Variants in CCBE1 observed in about 807,000 individuals in gnomAD.
CCBE1 encodes the protein collagen and calcium binding EGF domains 1.
Under a neutral mutation model 50.0 loss-of-function variants are expected in CCBE1, and 37 were observed. That is an observed-to-expected ratio of 0.74 (90% CI 0.57 to 0.97). CCBE1 has a LOEUF of 0.97. CCBE1 is among the 50% of genes least tolerant of loss of function. The pLI, the probability that CCBE1 is intolerant of heterozygous loss-of-function variation, is 0.00. For synonymous variants in CCBE1, 234 were observed against 203.7 expected (o/e 1.15, Z -1.27); for missense variants, 538 against 523.8 (o/e 1.03, Z -0.26).
At chr18:59,579,851 C>T (rs6567106) in intron 2 of CCBE1, among the ~76,000 whole-genome samples, 1,874 of 152,258 alleles carry the variant, frequency 0.012, 33 homozygotes, top group African/African-American at 0.042. Flanking sequence ...GAACACACCT[C>T]GAACATACTG....
intron 2 of CCBE1, among the ~76,000 whole-genome samples, chr18:59,569,843 C>G (rs2052884969): frequency 6.6e-6 from 1 of 152,178 alleles, no homozygotes; most frequent in Non-Finnish European, 1.5e-5. Flanking sequence ...GTTACCCAGG[C>G]TGGTCTTAAA....
chr18:59,676,301 G>A (rs2054501557), intron 2 of CCBE1, among the ~76,000 whole-genome samples: 2 of 152,170 alleles, frequency 1.3e-5, no homozygotes, highest in Non-Finnish European at 2.9e-5. Flanking sequence ...TCGCCACATG[G>A]ACTTGGATAA....
intron 9 of CCBE1, among the ~76,000 whole-genome samples, chr18:59,438,728 A>G (rs1210353017): frequency 6.6e-6 from 1 of 152,072 alleles, no homozygotes; most frequent in African/African-American, 2.4e-5. Flanking sequence ...GGCTTTTCAG[A>G]TTTTGTTCCC....
intron 3 of CCBE1, among the ~76,000 whole-genome samples, chr18:59,475,635 C>T (rs1912270071): frequency 6.6e-6 from 1 of 152,194 alleles, no homozygotes; most frequent in Admixed American, 6.5e-5. Flanking sequence ...TTGACCTCCT[C>T]AACAGAGTTT....
At chr18:59,587,381 A>G (rs908438664) in intron 2 of CCBE1, among the ~76,000 whole-genome samples, 4 of 152,246 alleles carry the variant, frequency 2.6e-5, no homozygotes, top group Middle Eastern at 3.4e-3. Flanking sequence ...ACTGCAGAAG[A>G]AAAATCATAA....
intron 2 of CCBE1, among the ~76,000 whole-genome samples, chr18:59,598,349 G>A (rs547336211): frequency 2.0e-5 from 3 of 152,280 alleles, no homozygotes; most frequent in South Asian, 2.1e-4. Context: ...TGAAGTTGCC[G>A]GAAGCAGAAT....
chr18:59,543,530 G>C (rs1367673452), intron 2 of CCBE1, among the ~76,000 whole-genome samples: 1 of 151,982 alleles, frequency 6.6e-6, no homozygotes, highest in Non-Finnish European at 1.5e-5. Flanking sequence ...AAACTAATGC[G>C]AGAGGCCGCG....
At chr18:59,575,530 A>G (rs978029583) in intron 2 of CCBE1, among the ~76,000 whole-genome samples, 1 of 152,240 alleles carries the variant, frequency 6.6e-6, no homozygotes, top group Non-Finnish European at 1.5e-5. Flanking sequence ...AGAAATTAAT[A>G]TCTAATACAG....
At chr18:59,487,005 G>C (rs659615) in intron 2 of CCBE1, among the ~76,000 whole-genome samples, 53,572 of 150,656 alleles carry the variant, frequency 0.36, 9,804 homozygotes, top group East Asian at 0.55. Context: ...GTAGAACCTG[G>C]CCTCTAGTAG....
At chr18:59,615,739 C>CT (rs2053628253) in intron 2 of CCBE1, among the ~76,000 whole-genome samples, 1 of 152,118 alleles carries the variant, frequency 6.6e-6, no homozygotes, top group African/African-American at 2.4e-5. Flanking sequence ...CTAATCCCCC[C>CT]TACTCCCAGT....
At chr18:59,481,561 C>G (rs535407333) in intron 2 of CCBE1, among the ~76,000 whole-genome samples, 1 of 152,082 alleles carries the variant, frequency 6.6e-6, no homozygotes. Flanking sequence ...AGAGAAAATC[C>G]TGAAAGCAGA....
chr18:59,670,718 C>T (rs536682632), intron 2 of CCBE1, among the ~76,000 whole-genome samples: 6 of 151,894 alleles, frequency 4.0e-5, no homozygotes, highest in Admixed American at 6.6e-5. Context: ...GAGGCCGAGG[C>T]GGGAGGATCA....
Position 59,451,426 on chromosome 18 carries a change from A to G in CCBE1, c.655-3323T>C, listed in dbSNP as rs144989853. Among the ~76,000 whole-genome samples, 891 of 128,944 alleles carry G rather than the reference A, an allele frequency of 6.9e-3. 32 individuals are homozygous for G. The highest frequency in any genetic ancestry group is 4.5e-3 in the Non-Finnish European group (273 of 61,178). 84.6% of individuals were successfully genotyped at this position (128,944 alleles called of 152,430 possible). ...CGATAGTCCCTGCTGCCAGAACACAAGCAACTTAAAAAAAAAAAAAAAAAA... is the reference window on the plus strand; with the variant it reads ...CGATAGTCCCTGCTGCCAGAACACAGGCAACTTAAAAAAAAAAAAAAAAAA... On this transcript the variant is annotated intron_variant, in intron 6 of 10. Transcript: ENST00000439986.
chr18:59,449,640 A>C, intron 6 of CCBE1, among the ~76,000 whole-genome samples: 1 of 133,440 alleles, frequency 7.5e-6, no homozygotes, highest in Non-Finnish European at 1.6e-5. Context: ...AAAAAAAAAA[A>C]AGAAATGCTG....
chr18:59,653,127 G>A (rs943487859), intron 2 of CCBE1, among the ~76,000 whole-genome samples: 3 of 152,252 alleles, frequency 2.0e-5, no homozygotes, highest in South Asian at 4.1e-4. Flanking sequence ...GCATGTATAC[G>A]TGTGGCATAA....
intron 2 of CCBE1, among the ~76,000 whole-genome samples, chr18:59,543,834 C>CAAAAAAAAAAAAAAAAAAAAA (rs10678902): frequency 1.7e-4 from 12 of 68,994 alleles, no homozygotes; most frequent in African/African-American, 8.0e-4. Flanking sequence ...GACTCCGTCT[C>CAAAAAAAAAAAAAAAAAAAAA]AAAAAAAAAA....
At chr18:59,588,773 G>T (rs749054140) in intron 2 of CCBE1, among the ~76,000 whole-genome samples, 16 of 152,134 alleles carry the variant, frequency 1.1e-4, no homozygotes, top group Non-Finnish European at 1.8e-4. Context: ...AGTGCCAAGT[G>T]ACCAGCAATG....
In CCBE1 at chr18:59,435,770, G is replaced by A; in HGVS notation, c.*138C>T. On this transcript the variant is annotated 3_prime_UTR_variant, in exon 11 of 11. Transcript: ENST00000439986. Reference sequence around the variant, plus strand: ...AAATAGCATCGTATTTGGAAGAAGAGGAGTGGAGAGACGTCAGGAGAAGAG... The same window carrying A: ...AAATAGCATCGTATTTGGAAGAAGAAGAGTGGAGAGACGTCAGGAGAAGAG... 1.2e-6 allele frequency: 1 copy of A among 812,322 alleles called. No individual in the cohort carries two copies. Among genetic ancestry groups the A allele is most frequent in the South Asian group, 1.4e-5 (1 of 72,282 alleles). 50.3% of individuals were successfully genotyped at this position (812,322 alleles called of 1,614,324 possible). A position where few individuals can be genotyped will look rare whatever the true frequency, so the allele number is the denominator to read the frequency against.
intron 5 of CCBE1, 93 bp downstream of exon 5, chr18:59,466,643 AATC>A (rs960314876): frequency 3.4e-6 from 2 of 585,494 alleles, no homozygotes; most frequent in Non-Finnish European, 5.1e-6. Context: ...ACAATTATAT[AATC>A]ATATCTATAT....
Sources: allele counts gnomAD v4.1 joint callset (sites outside exome capture counted in the v4.1 genomes callset), GRCh38; gene constraint gnomAD v4.1.1; transcripts MANE v1.5; gene names NCBI Gene and HGNC (gene_info 2026-07-23, HGNC 2026-07-21).